The following CROCC2 variants were observed in gnomAD, a reference collection of about 807,000 sequenced individuals.
The protein encoded by CROCC2 is ciliary rootlet coiled-coil protein 2.
Under a neutral mutation model 177.6 loss-of-function variants are expected in CROCC2, and 163 were observed. The ratio of observed to expected loss-of-function variants is 0.92; its 90% confidence interval spans 0.81 to 1.05. The LOEUF (loss-of-function observed/expected upper bound fraction) is 1.05. Ranked by LOEUF, CROCC2 falls within the 50% of genes least tolerant of loss-of-function variation. CROCC2 has a pLI of 0.00. For synonymous variants in CROCC2, 904 were observed against 787.3 expected (o/e 1.15, Z -2.48); for missense variants, 1,929 against 1,797.8 (o/e 1.07, Z -1.32).
chr2:240,932,177 C>A (rs753499772), intron 7 of CROCC2, 141 bp from the exon 8 acceptor site: 168 of 611,316 alleles, frequency 2.7e-4, no homozygotes, highest in Non-Finnish European at 4.7e-4. Flanking sequence ...AGACCAGGGA[C>A]AGAGGCCACT....
intron 21 of CROCC2, 100 bp from the exon 22 acceptor site, chr2:240,964,366 C>CT: frequency 7.1e-7 from 1 of 1,399,720 alleles, no homozygotes; most frequent in South Asian, 1.3e-5. Context: ...AGAGTCAAGA[C>CT]TGGGGCCAGT....
At position 240,993,063 on chromosome 2, in the gene CROCC2, C is replaced by T. The variant is rs553254990; in HGVS notation, c.4947-3C>T. 1 of 717,076 alleles carries T rather than the reference C, an allele frequency of 1.4e-6. No individual in the cohort carries two copies. The highest frequency in any genetic ancestry group is 2.7e-5 in the East Asian group (1 of 37,260). 44.4% of individuals were successfully genotyped at this position (717,076 alleles called of 1,614,324 possible). Reference sequence around the variant, plus strand: ...CCACGCCTCCCTCTTTGCATCCCTGCAGCGCCCAAAGGGACTGAAGCTCCC... The same window carrying T: ...CCACGCCTCCCTCTTTGCATCCCTGTAGCGCCCAAAGGGACTGAAGCTCCC... On this transcript the variant is annotated splice_region_variant and splice_polypyrimidine_tract_variant and intron_variant, in intron 31 of 31. Coordinates refer to ENST00000690015, the MANE Select transcript of CROCC2 (RefSeq NM_001351305.2).
In CROCC2 at chr2:240,949,447, C is replaced by T; in HGVS notation, c.2483-86C>T. The T allele has an allele frequency of 6.8e-7, 1 of 1,467,584 alleles. No individual in the cohort carries two copies. The highest frequency in any genetic ancestry group is 1.3e-5 in the South Asian group (1 of 75,804). The allele number at this position is 1,467,584 out of a possible 1,614,324, so 90.9% of individuals were successfully genotyped here. A position where few individuals can be genotyped will look rare whatever the true frequency, so the allele number is the denominator to read the frequency against. Reference sequence around the variant, plus strand: ...GAGCCTGGAGTGGACAGTGCTTGCCCCCAAGACTGTCACTCCCTAGGAAGT... The same window carrying T: ...GAGCCTGGAGTGGACAGTGCTTGCCTCCAAGACTGTCACTCCCTAGGAAGT... On this transcript the variant is annotated intron_variant, in intron 16 of 31. Transcript: ENST00000690015. This position sits in a 1 kb window ranked among gnomAD's most constrained non-coding sequence, Gnocchi z 4.5.
In CROCC2 at chr2:240,958,548, G is replaced by C. The variant is rs951222036; in HGVS notation, c.2944-753G>C. On this transcript the variant is annotated intron_variant, in intron 19 of 31. Coordinates refer to ENST00000690015, the MANE Select transcript of CROCC2 (RefSeq NM_001351305.2). The surrounding 1 kb of genome is among the most constrained non-coding windows in gnomAD (Gnocchi z 6.7). ...CTGTGCCCCCAGGAACACAAAGCCAGCTCTGGAGGGAGCCATCCCCCACCA... is the reference window on the plus strand; with the variant it reads ...CTGTGCCCCCAGGAACACAAAGCCACCTCTGGAGGGAGCCATCCCCCACCA... The C allele has an allele frequency of 3.9e-5, 38 of 984,536 alleles. No individual in the cohort carries two copies. Among genetic ancestry groups the C allele is most frequent in the Non-Finnish European group, 4.3e-5 (36 of 829,250 alleles). The allele number at this position is 984,536 out of a possible 1,614,324, so 61.0% of individuals were successfully genotyped here.
chr2:240,910,851 C>G (rs192466901), intron 1 of CROCC2, among the ~76,000 whole-genome samples: 1 of 152,194 alleles, frequency 6.6e-6, no homozygotes, highest in African/African-American at 2.4e-5. Context: ...TTTTTTCTGG[C>G]CGGGTGCAGT....
At chr2:240,961,341 ACT>A (rs2059631893) in intron 20 of CROCC2, among the ~76,000 whole-genome samples, 2 of 152,042 alleles carry the variant, frequency 1.3e-5, no homozygotes, top group African/African-American at 2.4e-5. Flanking sequence ...AGCCTCACAC[ACT>A]CACACACACT....
In CROCC2 at chr2:240,986,672, C is replaced by T. The variant is rs1430379948; in HGVS notation, c.4552-2067C>T. On this transcript the variant is annotated intron_variant, in intron 28 of 31. Transcript: ENST00000690015. ...GGGAAGGGCAGGTGTCTTTGGACTT[C>T]CATCCGTGGAGCCTGGGGGACAGCC... is the stretch of plus-strand genomic sequence containing the variant. Among the ~76,000 whole-genome samples the T allele has an allele frequency of 5.9e-5, 9 of 152,298 alleles. 2 individuals carry two copies. Among genetic ancestry groups the T allele is most frequent in the African/African-American group, 2.2e-4 (9 of 41,566 alleles).
Position 240,934,431 on chromosome 2 carries a change from G to A in CROCC2, c.1747G>A (p.Val583Ile), listed in dbSNP as rs1379795432. 6.5e-7 allele frequency: 1 copy of A among 1,548,562 alleles called. No homozygotes were observed. The highest frequency in any genetic ancestry group is 8.7e-7 in the Non-Finnish European group (1 of 1,146,872). ...ALSTAQLQRDVVESEREGLRS... is the reference protein window; with the variant it reads ...ALSTAQLQRDIVESEREGLRS... ...GAGCACAGCACAGCTGCAGCGGGAT[G>A]TCGTGGAGAGTGAGAGGGAGGGACT... The change falls in exon 12 of 32, where the codon GTC (valine) becomes ATC (isoleucine). Residue 583 changes from valine to isoleucine, a missense_variant. Transcript: ENST00000690015.
rs919471278 is a variant in CROCC2, at chr2:240,935,549, G to A, written c.2130G>A (p.Leu710=). The change falls in exon 14 of 32, where the codon CTG becomes CTA. Residue 710 remains leucine, a synonymous_variant. Coordinates refer to ENST00000690015, the MANE Select transcript of CROCC2 (RefSeq NM_001351305.2). ...AGCTGGAGGGGCAGGCAGCCCTGCT[G>A]GGGCGAGAGAAGGCCCAGCTCCAGG... ...QEQLEGQAAL[L]GREKAQLQEQ... is the part of the protein sequence containing the mutation. 8.1e-6 allele frequency: 11 copies of A among 1,350,812 alleles called. No homozygotes were observed. In the African/African-American group the frequency reaches 1.4e-4, roughly 17 times the overall value. The allele number at this position is 1,350,812 out of a possible 1,614,324, so 83.7% of individuals were successfully genotyped here.
At chr2:240,926,225 G>C (rs1266163624) in intron 5 of CROCC2, among the ~76,000 whole-genome samples, 5 of 152,234 alleles carry the variant, frequency 3.3e-5, no homozygotes, top group African/African-American at 1.2e-4. Context: ...TCAGGAGCAG[G>C]GACCTTGGAA....
intron 27 of CROCC2, among the ~76,000 whole-genome samples, chr2:240,976,194 AGT>A (rs2059763487): frequency 6.8e-6 from 1 of 148,006 alleles, no homozygotes; most frequent in Non-Finnish European, 1.5e-5. Context: ...ATCCCTGCTC[AGT>A]CTCTGGGGTA....
At chr2:240,983,713 G>A (rs2059817972) in intron 28 of CROCC2, 1 of 1,002,806 alleles carries the variant, frequency 1.0e-6, no homozygotes, top group Admixed American at 2.5e-5. Flanking sequence ...CTAAGCTCAG[G>A]GTCAGGACGC....
intron 28 of CROCC2, among the ~76,000 whole-genome samples, chr2:240,987,054 G>T (rs558265018): frequency 3.3e-5 from 5 of 152,358 alleles, no homozygotes; most frequent in African/African-American, 1.2e-4. Flanking sequence ...CCAGAGTAGG[G>T]CCAGCCAATG....
At chr2:240,967,641 C>T (rs1046461867) in intron 26 of CROCC2, 176 bp downstream of exon 26, 13 of 941,374 alleles carry the variant, frequency 1.4e-5, no homozygotes, top group African/African-American at 1.1e-4. Context: ...CGCTTGGCAT[C>T]GGAGTTCTCA....
intron 15 of CROCC2, 24 bp from the exon 16 acceptor site, chr2:240,948,955 C>A: frequency 3.2e-6 from 5 of 1,549,632 alleles, no homozygotes; most frequent in Non-Finnish European, 4.4e-6. Context: ...GATGACTTGC[C>A]CATTGTTTGC....
chr2:240,967,374 G>C lies in CROCC2; in HGVS notation c.4176G>C (p.Leu1392=). 6.3e-6 allele frequency: 5 copies of C among 789,848 alleles called. No individual in the cohort carries two copies. The South Asian group carries it at 7.3e-5, about 11-fold the overall frequency. The allele number at this position is 789,848 out of a possible 1,614,324, so 48.9% of individuals were successfully genotyped here. The part of the protein sequence containing the change: ...RDDSRIQMAT[L]SSRLSEAECR... ...ACTCCCGCATCCAGATGGCGACCCTGAGCAGCCGGCTGAGCGAGGCAGAGT... is the reference window on the plus strand; with the variant it reads ...ACTCCCGCATCCAGATGGCGACCCTCAGCAGCCGGCTGAGCGAGGCAGAGT... The change falls in exon 26 of 32, where the codon CTG becomes CTC. Residue 1392 remains leucine, a synonymous_variant. Transcript: ENST00000690015.
At chr2:240,906,642 A>T (rs2059255739) in intron 1 of CROCC2, 51 bp downstream of exon 1, 1 of 398,924 alleles carries the variant, frequency 2.5e-6, no homozygotes, top group Non-Finnish European at 4.4e-6. Context: ...GGTTGCCAGG[A>T]CACTTTGGAA....
intron 18 of CROCC2, 190 bp downstream of exon 18, chr2:240,950,700 C>T (rs1304114140): frequency 5.2e-6 from 3 of 579,062 alleles, no homozygotes; most frequent in East Asian, 3.1e-5. Flanking sequence ...GCCATCTGTC[C>T]ATTCATTCAC....
intron 31 of CROCC2, 110 bp downstream of exon 31, chr2:240,991,388 A>G: frequency 2.1e-6 from 2 of 933,224 alleles, no homozygotes; most frequent in Non-Finnish European, 3.1e-6. Context: ...TGGGGGAACC[A>G]CTGTTGGGAA....
Sources: gnomAD v4.1 joint callset for allele counts (sites outside exome capture counted in the v4.1 genomes callset) on GRCh38, gnomAD v4.1.1 for gene constraint, Gnocchi (gnomAD v3.1) non-coding constraint, MANE v1.5 for transcripts, NCBI Gene and HGNC (gene_info 2026-07-23, HGNC 2026-07-21) for gene names.